Variants in CUX1 observed in about 807,000 individuals in gnomAD.
CUX1 encodes the protein protein CASP.
A neutral mutation model predicts 158.8 loss-of-function variants in CUX1; 31 were observed. That is an observed-to-expected ratio of 0.20 (90% CI 0.15 to 0.26). The LOEUF is 0.26. Among genes scored for constraint, CUX1 ranks in the 10% least tolerant of loss-of-function variants. The pLI, the probability that CUX1 is intolerant of heterozygous loss-of-function variation, is 1.00. For missense variants in CUX1, 1,589 were observed against 2,014.6 expected, an observed-to-expected ratio of 0.79 and a Z score of 4.04; for synonymous variants, 879 against 862.1, an observed-to-expected ratio of 1.02 and a Z score of -0.34.
chr7:102,017,575 G>T (rs1017127311), intron 2 of CUX1, among the ~76,000 whole-genome samples: 1 of 152,132 alleles, frequency 6.6e-6, no homozygotes, highest in Non-Finnish European at 1.5e-5. Context: ...GGGCCAGTGC[G>T]GTGGCTCACG....
At chr7:102,024,885 C>T (rs1417678866) in intron 2 of CUX1, among the ~76,000 whole-genome samples, 8 of 152,158 alleles carry the variant, frequency 5.3e-5, no homozygotes, top group African/African-American at 9.7e-5. Context: ...ACCTGCCATG[C>T]GCCGAGTGGC....
chr7:102,274,891 T>TC (rs1394104736), intron 16 of CUX1, among the ~76,000 whole-genome samples: 1 of 152,132 alleles, frequency 6.6e-6, no homozygotes, highest in African/African-American at 2.4e-5. Flanking sequence ...CCCCTTTGCT[T>TC]CCCCAGGGGA....
chr7:101,887,842 C>CCTTTTTTTTTTTTTTT (rs1562966470), intron 1 of CUX1, among the ~76,000 whole-genome samples: 4 of 135,038 alleles, frequency 3.0e-5, no homozygotes, highest in Non-Finnish European at 1.6e-5. Flanking sequence ...ATGACGGTGA[C>CCTTTTTTTTTTTTTTT]ATTTTTTTTT....
chr7:101,870,130 C>G (rs1169554156), intron 1 of CUX1, among the ~76,000 whole-genome samples: 1 of 149,878 alleles, frequency 6.7e-6, no homozygotes, highest in African/African-American at 2.5e-5. Flanking sequence ...GCCATGCAGG[C>G]CCTGATGTTT....
chr7:102,070,039 C>T (rs904870877), intron 3 of CUX1, among the ~76,000 whole-genome samples: 1 of 152,188 alleles, frequency 6.6e-6, no homozygotes, highest in African/African-American at 2.4e-5. Context: ...CTTAAGTCAG[C>T]ATTTGGAGAA....
intron 23 of CUX1, among the ~76,000 whole-genome samples, chr7:102,240,750 A>C (rs183347385): frequency 1.3e-5 from 2 of 152,184 alleles, no homozygotes; most frequent in Non-Finnish European, 2.9e-5. Flanking sequence ...TAAGTATTTC[A>C]CCGAGTTATA....
intron 1 of CUX1, among the ~76,000 whole-genome samples, chr7:101,895,483 T>C (rs969809202): frequency 4.6e-5 from 7 of 152,006 alleles, no homozygotes; most frequent in Non-Finnish European, 8.8e-5. Flanking sequence ...CTGGACAGTA[T>C]TGGAAATAAA....
intron 9 of CUX1, among the ~76,000 whole-genome samples, chr7:102,166,991 GGC>G (rs1255187741): frequency 2.0e-5 from 3 of 152,162 alleles, no homozygotes; most frequent in Non-Finnish European, 4.4e-5. Context: ...AATCAGGCCG[GGC>G]GCGGTGGCTC....
At chr7:102,044,552 T>C (rs1375329091) in intron 3 of CUX1, among the ~76,000 whole-genome samples, 2 of 152,168 alleles carry the variant, frequency 1.3e-5, no homozygotes, top group African/African-American at 4.8e-5. Context: ...TTTTCCCCTC[T>C]TTCCAGCCTG....
Position 102,196,622 on chromosome 7 carries a change from C to T in CUX1, c.1223-12C>T. 1 of 1,519,610 alleles carries T rather than the reference C, an allele frequency of 6.6e-7. No homozygotes were observed. The allele number at this position is 1,519,610 out of a possible 1,614,324, so 94.1% of individuals were successfully genotyped here. On this transcript the variant is annotated splice_polypyrimidine_tract_variant and intron_variant, in intron 14 of 23. Transcript: ENST00000292535. ...ATCCCCCATAATGCATTCTGTTTGC[C>T]CTTCCTTGTAGGGTCAGCCAGGAGG...
At chr7:102,056,268 A>C (rs539702210) in intron 3 of CUX1, among the ~76,000 whole-genome samples, 1 of 152,346 alleles carries the variant, frequency 6.6e-6, no homozygotes, top group South Asian at 2.1e-4. Flanking sequence ...TAGGTAAAAT[A>C]ACCTTCTCTT....
At chr7:101,884,088 TCTCGCTGA>T (rs1053239640) in intron 1 of CUX1, among the ~76,000 whole-genome samples, 1 of 151,536 alleles carries the variant, frequency 6.6e-6, no homozygotes, top group Non-Finnish European at 1.5e-5. Context: ...TGCTAGGGGG[TCTCGCTGA>T]CTTGCCCAGG....
At chr7:102,112,822 C>T (rs1831074875) in intron 7 of CUX1, among the ~76,000 whole-genome samples, 1 of 152,160 alleles carries the variant, frequency 6.6e-6, no homozygotes, top group African/African-American at 2.4e-5. Context: ...CCACCACACC[C>T]AGCCTCTCTT....
Position 102,128,092 on chromosome 7 carries a change from C to G in CUX1, c.674+12819C>G, listed in dbSNP as rs577990791. Among the ~76,000 whole-genome samples the G allele has an allele frequency of 1.1e-4, 16 of 152,352 alleles. No individual in the cohort carries two copies. In the South Asian group the frequency reaches 3.1e-3, roughly 30 times the overall value. On this transcript the variant is annotated intron_variant, in intron 8 of 23. Transcript: ENST00000292535. ...ACCTCAGGTGATCGGCCCACTTCAG[C>G]CTCCAGAAGGGCTGGGATTACAGGC...
intron 9 of CUX1, among the ~76,000 whole-genome samples, chr7:102,168,931 T>TTC: frequency 9.5e-6 from 1 of 105,664 alleles, no homozygotes; most frequent in African/African-American, 3.9e-5. Context: ...TTCTTTTCTT[T>TTC]TATTTTCTTT....
chr7:102,050,193 G>C (rs748797652), intron 3 of CUX1, among the ~76,000 whole-genome samples: 1 of 152,152 alleles, frequency 6.6e-6, no homozygotes, highest in Admixed American at 6.5e-5. Flanking sequence ...ATTTGCCAGC[G>C]TGACCTTGAA....
intron 1 of CUX1, among the ~76,000 whole-genome samples, chr7:101,860,409 G>GA (rs1342579246): frequency 6.6e-6 from 1 of 151,952 alleles, no homozygotes; most frequent in Non-Finnish European, 1.5e-5. Context: ...ATGTCACTTC[G>GA]AAAAAAATAC....
intron 1 of CUX1, among the ~76,000 whole-genome samples, chr7:101,912,448 A>G (rs1053104627): frequency 1.3e-5 from 2 of 152,124 alleles, no homozygotes; most frequent in Admixed American, 6.5e-5. Flanking sequence ...CACACTATGC[A>G]TTACCATTTG....
rs7809948 is a variant in CUX1, at chr7:102,133,195, T to C, written c.674+17922T>C. Reference sequence around the variant, plus strand: ...TCACAGCATGATGCACAAGGCACTTTGGGATGCAGCCCTGCCTTCCCAGCC... The same window carrying C: ...TCACAGCATGATGCACAAGGCACTTCGGGATGCAGCCCTGCCTTCCCAGCC... On this transcript the variant is annotated intron_variant, in intron 8 of 23. Transcript: ENST00000292535. Among the ~76,000 whole-genome samples, 410 of 152,264 alleles carry C rather than the reference T, an allele frequency of 2.7e-3. 1 individual carries two copies. The highest frequency in any genetic ancestry group is 9.5e-3 in the African/African-American group (397 of 41,572).
Sources: allele counts gnomAD v4.1 joint callset (sites outside exome capture counted in the v4.1 genomes callset), GRCh38; gene constraint gnomAD v4.1.1; transcripts MANE v1.5; gene names NCBI Gene and HGNC (gene_info 2026-07-23, HGNC 2026-07-21).